Variants in DYSF observed in about 807,000 individuals in gnomAD.
DYSF encodes the protein dystrophy-associated fer-1-like 1.
In DYSF, 212 loss-of-function variants were observed where a neutral mutation model predicts 274.9. The observed-to-expected ratio is 0.77, with a 90% CI of 0.69 to 0.86. The LOEUF (loss-of-function observed/expected upper bound fraction) is 0.86, where lower values mean the gene tolerates loss of function less well. Among genes scored for constraint, DYSF ranks in the 40% least tolerant of loss-of-function variants. DYSF has a pLI of 0.00. For synonymous variants in DYSF, 1,091 were observed against 1,078.7 expected (o/e 1.01, Z -0.22); for missense variants, 2,666 against 2,783.2 (o/e 0.96, Z 0.95).
At position 71,520,871 on chromosome 2, in the gene DYSF, C is replaced by A. The variant is rs766891289; in HGVS notation, c.1116C>A (p.Ser372Arg). The A allele has an allele frequency of 3.7e-6, 6 of 1,614,132 alleles. No homozygotes were observed. The highest frequency in any genetic ancestry group is 2.2e-5 in the South Asian group (2 of 91,084). ...SAGARGYLKT[S>R]LCVLGPGDEA... Reference sequence around the variant, plus strand: ...GGGCCAGAGGCTACCTGAAAACAAGCCTTTGTGTGCTGGGGCCTGGGGACG... The same window carrying A: ...GGGCCAGAGGCTACCTGAAAACAAGACTTTGTGTGCTGGGGCCTGGGGACG... The change falls in exon 12 of 56, where the codon AGC becomes AGA. Residue 372 changes from serine to arginine, a missense_variant. Transcript: ENST00000410020.
At chr2:71,578,514 A>C (rs1425126416) in intron 30 of DYSF, among the ~76,000 whole-genome samples, 2 of 152,168 alleles carry the variant, frequency 1.3e-5, no homozygotes, top group Non-Finnish European at 2.9e-5. Context: ...ATGTGAGTGC[A>C]ACTAAACCCC....
chr2:71,511,918 G>T lies in DYSF; in HGVS notation c.457G>T (p.Ala153Ser). Residue 153 changes from alanine (A) to serine (S), a missense_variant, in exon 5 of 56, where the codon GCA becomes TCA. This residue lies in a region of DYSF where 794 missense variants were observed against 777.1 expected (regional missense o/e 1.02). Coordinates refer to ENST00000410020, the MANE Select transcript of DYSF (RefSeq NM_001130987.2). ...SPTLPDLDVV[A>S]GGGQSRAETW... is the part of the protein sequence containing the mutation. ...GACTCTGCCTGACCTGGATGTAGTG[G>T]CAGGTGGGTAGCCCACGTTGGCCTG... 8 of 1,544,938 alleles carry T rather than the reference G, an allele frequency of 5.2e-6. No individual in the cohort carries two copies. The highest frequency in any genetic ancestry group is 7.0e-6 in the Non-Finnish European group (8 of 1,141,422).
intron 27 of DYSF, 94 bp from the exon 28 acceptor site, chr2:71,570,135 G>C: frequency 1.6e-6 from 2 of 1,227,500 alleles, no homozygotes; most frequent in Non-Finnish European, 1.2e-6. Context: ...TCTGGGACTT[G>C]GAGGACGTAT....
rs149864346 is a variant in DYSF at position 71,556,006 on chromosome 2, G to A, written c.2151G>A (p.Gln717=). The A allele has an allele frequency of 1.3e-6, 2 of 1,575,800 alleles. No homozygotes were observed. Among genetic ancestry groups the A allele is most frequent in the African/African-American group, 2.7e-5 (2 of 74,582 alleles). Residue 717 remains glutamine (Q), a synonymous_variant, in exon 22 of 56, where the codon CAG becomes CAA. Transcript: ENST00000410020. The part of the protein sequence containing the change: ...LEQVHLALKA[Q]CSTEDVDSLV... ...AGGTCCACCTGGCCCTGAAGGCGCA[G>A]TGCTCCACGGAGGACGTGGACTCGC...
chr2:71,499,766 C>A (rs1431788393), intron 3 of DYSF, among the ~76,000 whole-genome samples: 1 of 152,210 alleles, frequency 6.6e-6, no homozygotes. Context: ...CTCCACCCCC[C>A]ACATTCCAAT....
At chr2:71,588,153 A>G (rs1270404626) in intron 30 of DYSF, among the ~76,000 whole-genome samples, 1 of 152,116 alleles carries the variant, frequency 6.6e-6, no homozygotes, top group Non-Finnish European at 1.5e-5. Context: ...GTTTGCCTGA[A>G]GCCAAGGGCC....
upstream of DYSF, among the ~76,000 whole-genome samples, chr2:71,461,794 A>T (rs898299949): frequency 6.6e-6 from 1 of 152,216 alleles, no homozygotes; most frequent in Non-Finnish European, 1.5e-5. Context: ...GGGGTCAGTA[A>T]GGATGATTTA....
intron 40 of DYSF, among the ~76,000 whole-genome samples, chr2:71,616,067 G>A (rs1271661829): frequency 6.6e-6 from 1 of 152,198 alleles, no homozygotes; most frequent in Admixed American, 6.5e-5. Flanking sequence ...CATCTGCCTA[G>A]GTCCTGGGAT....
intron 30 of DYSF, among the ~76,000 whole-genome samples, chr2:71,584,122 A>G (rs985543804): frequency 2.1e-5 from 3 of 144,508 alleles, no homozygotes; most frequent in African/African-American, 7.7e-5. Context: ...CAGGAATGTG[A>G]CTGTGGGAAA....
At position 71,513,701 on chromosome 2, in the gene DYSF, G is replaced by T. The variant is rs1347999190; in HGVS notation, c.554-15G>T. ...CCAGAGGGATCCAGGCCTCATTAGG[G>T]CCCTCTCCTCTTAGACACAGGAGGA... On this transcript the variant is annotated splice_polypyrimidine_tract_variant and intron_variant, in intron 6 of 55. Coordinates refer to ENST00000410020, the MANE Select transcript of DYSF (RefSeq NM_001130987.2). 2 of 1,612,616 alleles carry T rather than the reference G, an allele frequency of 1.2e-6. No homozygotes were observed. The highest frequency in any genetic ancestry group is 1.7e-6 in the Non-Finnish European group (2 of 1,179,246).
chr2:71,499,210 C>T (rs962520077), intron 3 of DYSF, among the ~76,000 whole-genome samples: 1 of 152,178 alleles, frequency 6.6e-6, no homozygotes, highest in African/African-American at 2.4e-5. Flanking sequence ...TCTAACTTTC[C>T]TCTTTTTTAT....
intron 43 of DYSF, among the ~76,000 whole-genome samples, chr2:71,657,963 G>A (rs1173522526): frequency 6.6e-6 from 1 of 152,174 alleles, no homozygotes; most frequent in Non-Finnish European, 1.5e-5. Flanking sequence ...TCTGCAGCTG[G>A]CTTGAATTTC....
rs1165109171 is a variant in DYSF, at chr2:71,615,432, G to A, written c.4464+2022G>A. Among the ~76,000 whole-genome samples, 2 of 152,142 alleles carry A rather than the reference G, an allele frequency of 1.3e-5. No individual in the cohort carries two copies. Among genetic ancestry groups the A allele is most frequent in the Admixed American group, 6.5e-5 (1 of 15,284 alleles). ...GGGGAGGCTTGGACCTTGCCCTCAT[G>A]GAGCTCCCTGTCTGATGAAAGAGAC... On this transcript the variant is annotated intron_variant, in intron 40 of 55. Transcript: ENST00000410020. This position sits in a 1 kb window ranked among gnomAD's most constrained non-coding sequence, Gnocchi z 4.9.
Position 71,473,918 on chromosome 2 carries a change from A to ATTTTT in DYSF, c.92-6944_92-6940dup, listed in dbSNP as rs10659171. ...TAATTGCAGTTCTACTTTCTGTATGATTTTTTTTTTTTTTTTTTTTTTTTT... is the reference window on the plus strand; with the variant it reads ...TAATTGCAGTTCTACTTTCTGTATGATTTTTTTTTTTTTTTTTTTTTTTTTTTTTT... On this transcript the variant is annotated intron_variant, in intron 1 of 55. Transcript: ENST00000410020. Among the ~76,000 whole-genome samples, 104 of 83,816 alleles carry ATTTTT rather than the reference A, an allele frequency of 1.2e-3. 2 individuals carry two copies. Among genetic ancestry groups the ATTTTT allele is most frequent in the African/African-American group, 4.9e-3 (86 of 17,538 alleles). The allele number at this position is 83,816 out of a possible 152,430, so 55.0% of individuals were successfully genotyped here.
intron 32 of DYSF, among the ~76,000 whole-genome samples, chr2:71,597,740 G>T (rs1237650690): frequency 1.3e-5 from 2 of 152,194 alleles, no homozygotes; most frequent in Non-Finnish European, 2.9e-5. Context: ...GAGTTTGGGG[G>T]TAGCAGGGAG....
chr2:71,480,339 G>A (rs567674502), intron 1 of DYSF, among the ~76,000 whole-genome samples: 17 of 151,790 alleles, frequency 1.1e-4, no homozygotes, highest in South Asian at 2.1e-4. Flanking sequence ...TTCCAGACCC[G>A]TCTGGGCAAT....
intron 3 of DYSF, among the ~76,000 whole-genome samples, chr2:71,495,587 T>C (rs2084298490): frequency 6.6e-6 from 1 of 152,172 alleles, no homozygotes; most frequent in Admixed American, 6.5e-5. Context: ...TGGATCACTT[T>C]CCTTTGGGGC....
At position 71,568,334 on chromosome 2, in the gene DYSF, A is replaced by G. The variant is rs1038837599; in HGVS notation, c.2860A>G (p.Lys954Glu). 6.2e-6 allele frequency: 10 copies of G among 1,613,954 alleles called. No individual in the cohort carries two copies. The highest frequency in any genetic ancestry group is 1.7e-6 in the Non-Finnish European group (2 of 1,179,948). ...TGGAGATTGGTTCGTGTGTCCGGAG[A>G]AGACGTGAGTCGTGGGCAGGGAGGG... is the stretch of plus-strand genomic sequence containing the variant. ...WAGDWFVCPE[K>E]TLLHDMDAGH... Residue 954 changes from lysine (K) to glutamate (E), a missense_variant, in exon 26 of 56, where the codon AAG (lysine) becomes GAG (glutamate). By Grantham distance (56) the Lys-to-Glu change is moderately conservative. Transcript: ENST00000410020.
At chr2:71,676,843 G>T (rs80014823) in intron 52 of DYSF, among the ~76,000 whole-genome samples, 1 of 152,166 alleles carries the variant, frequency 6.6e-6, no homozygotes, top group African/African-American at 2.4e-5. Flanking sequence ...TAAAGGTAAT[G>T]GTTAAGCACC....
Sources: gnomAD v4.1 joint callset for allele counts (sites outside exome capture counted in the v4.1 genomes callset) on GRCh38, gnomAD v4.1.1 for gene constraint, gnomAD v4.1.1 regional missense constraint, Gnocchi (gnomAD v3.1) non-coding constraint, MANE v1.5 for transcripts, NCBI Gene and HGNC (gene_info 2026-07-23, HGNC 2026-07-21) for gene names.